Variants in BICC1 observed in about 807,000 individuals in gnomAD.
The protein encoded by BICC1 is protein bicaudal C homolog 1.
BICC1 carries 43 observed loss-of-function variants against 111.0 expected under a neutral mutation model. The observed-to-expected ratio is 0.39, with a 90% CI of 0.30 to 0.50. BICC1 has a LOEUF of 0.50. Among genes scored for constraint, BICC1 ranks in the 20% least tolerant of loss-of-function variants. The pLI is 0.88. For synonymous variants in BICC1, 467 were observed against 434.4 expected (o/e 1.07, Z -0.93); for missense variants, 1,091 against 1,203.2 (o/e 0.91, Z 1.38).
At chr10:58,710,836 G>A (rs1345852099) in intron 3 of BICC1, among the ~76,000 whole-genome samples, 3 of 152,088 alleles carry the variant, frequency 2.0e-5, no homozygotes, top group Admixed American at 6.6e-5. Context: ...GTAGAAAAAT[G>A]TGTGGTTTTG....
chr10:58,626,894 C>T (rs537656339), intron 2 of BICC1, among the ~76,000 whole-genome samples: 8 of 152,212 alleles, frequency 5.3e-5, no homozygotes, highest in South Asian at 2.1e-4. Flanking sequence ...CACCTGAGGT[C>T]AGGAGTTCGA....
chr10:58,675,137 G>C (rs1157025321), intron 2 of BICC1, among the ~76,000 whole-genome samples: 1 of 152,162 alleles, frequency 6.6e-6, no homozygotes, highest in African/African-American at 2.4e-5. Flanking sequence ...AGATATGGTT[G>C]TGGTGGGGGT....
intron 1 of BICC1, among the ~76,000 whole-genome samples, chr10:58,583,892 G>A (rs1702598512): frequency 6.6e-6 from 1 of 152,194 alleles, no homozygotes. Context: ...CCCACCAACA[G>A]GATGGCCTTA....
At chr10:58,712,524 A>G (rs544347449) in intron 3 of BICC1, among the ~76,000 whole-genome samples, 1 of 152,330 alleles carries the variant, frequency 6.6e-6, no homozygotes, top group South Asian at 2.1e-4. Flanking sequence ...CAGTGCTAAA[A>G]AGATATGAGC....
At chr10:58,636,579 T>A (rs1260433893) in intron 2 of BICC1, among the ~76,000 whole-genome samples, 1 of 151,658 alleles carries the variant, frequency 6.6e-6, no homozygotes, top group Admixed American at 6.6e-5. Flanking sequence ...TACACATCAT[T>A]GTCTCCTCCT....
intron 1 of BICC1, among the ~76,000 whole-genome samples, chr10:58,518,260 T>C (rs1842295161): frequency 6.6e-6 from 1 of 152,216 alleles, no homozygotes; most frequent in South Asian, 2.1e-4. Context: ...TGTAAGTTGC[T>C]CTGAATTTGA....
chr10:58,694,131 C>G (rs1157062893), intron 2 of BICC1, among the ~76,000 whole-genome samples: 1 of 152,134 alleles, frequency 6.6e-6, no homozygotes. Flanking sequence ...TCATCTCCTT[C>G]TCCTGTTCTC....
intron 3 of BICC1, among the ~76,000 whole-genome samples, chr10:58,725,804 T>A (rs1330868969): frequency 6.6e-6 from 1 of 152,206 alleles, no homozygotes; most frequent in African/African-American, 2.4e-5. Context: ...CAGAGGCTGA[T>A]GGTTTTCTAG....
chr10:58,826,894 T>C (rs2132998137), intron 20 of BICC1, among the ~76,000 whole-genome samples: 1 of 152,330 alleles, frequency 6.6e-6, no homozygotes, highest in African/African-American at 2.4e-5. Context: ...CCCTTGAGCC[T>C]TGGAGGGAAA....
At chr10:58,757,515 A>C (rs1842180227) in intron 3 of BICC1, among the ~76,000 whole-genome samples, 1 of 152,112 alleles carries the variant, frequency 6.6e-6, no homozygotes, top group African/African-American at 2.4e-5. Flanking sequence ...TCCATGCCAG[A>C]GTGGAGCTTA....
chr10:58,596,425 G>A (rs944575690), intron 1 of BICC1, among the ~76,000 whole-genome samples: 10 of 152,136 alleles, frequency 6.6e-5, no homozygotes, highest in African/African-American at 2.4e-4. Flanking sequence ...AATAATAAGA[G>A]CTATTTATGA....
At chr10:58,781,603 C>G (rs1210448477) in intron 3 of BICC1, among the ~76,000 whole-genome samples, 2 of 152,182 alleles carry the variant, frequency 1.3e-5, no homozygotes, top group African/African-American at 4.8e-5. Context: ...CTCTTTATAG[C>G]TGACTTTTTC....
chr10:58,611,251 G>T (rs1845408724), intron 1 of BICC1, among the ~76,000 whole-genome samples: 1 of 152,162 alleles, frequency 6.6e-6, no homozygotes, highest in Non-Finnish European at 1.5e-5. Context: ...TTAAAGGTAT[G>T]CTGAAAAATA....
chr10:58,692,537 T>C (rs962897452), intron 2 of BICC1, among the ~76,000 whole-genome samples: 2 of 152,120 alleles, frequency 1.3e-5, no homozygotes. Context: ...TATAGGAAAA[T>C]GAAAAAAGTA....
chr10:58,823,060 C>G (rs1844298271), intron 20 of BICC1, among the ~76,000 whole-genome samples: 1 of 151,376 alleles, frequency 6.6e-6, no homozygotes. Context: ...CTCTTTTTCC[C>G]CAAATCCACT....
rs80346048 is a variant in BICC1, at chr10:58,536,489, G to T, written c.190+23156G>T. Among the ~76,000 whole-genome samples the T allele has an allele frequency of 2.0e-3, 298 of 151,870 alleles. 1 individual carries two copies. The highest frequency in any genetic ancestry group is 2.9e-3 in the Non-Finnish European group (195 of 67,784). The stretch of plus-strand genomic sequence containing the variant: ...ATTTTTGGGTTAACAATGAAATCAA[G>T]ATGAAAATTGAAAAATTTCTGAAAT... On this transcript the variant is annotated intron_variant, in intron 1 of 20. Transcript: ENST00000373886.
chr10:58,778,791 C>T (rs904593233), intron 3 of BICC1, among the ~76,000 whole-genome samples: 3 of 152,306 alleles, frequency 2.0e-5, no homozygotes, highest in Admixed American at 6.5e-5. Context: ...TGCCCACTAA[C>T]GTTTTGCTTT....
chr10:58,543,238 T>C (rs1316209809), intron 1 of BICC1, among the ~76,000 whole-genome samples: 1 of 152,110 alleles, frequency 6.6e-6, no homozygotes, highest in African/African-American at 2.4e-5. Context: ...CTGGAGGTCA[T>C]CATGCTAACT....
chr10:58,518,597 G>C (rs975608063), intron 1 of BICC1, among the ~76,000 whole-genome samples: 15 of 139,956 alleles, frequency 1.1e-4, no homozygotes, highest in African/African-American at 2.1e-4. Context: ...TGTTGGGGGG[G>C]GGGGGGTGTG....
Sources: gnomAD v4.1 joint callset for allele counts (sites outside exome capture counted in the v4.1 genomes callset) on GRCh38, gnomAD v4.1.1 for gene constraint, MANE v1.5 for transcripts, NCBI Gene and HGNC (gene_info 2026-07-23, HGNC 2026-07-21) for gene names.